The following DCC variants were observed in gnomAD, a reference collection of about 807,000 sequenced individuals.
DCC encodes the protein DCC netrin 1 receptor, also known as netrin receptor DCC.
In DCC, 58 loss-of-function variants were observed where a neutral mutation model predicts 172.5. The observed-to-expected ratio is 0.34, with a 90% CI of 0.27 to 0.42. The LOEUF (loss-of-function observed/expected upper bound fraction) is 0.42, where lower values mean the gene tolerates loss of function less well. Ranked by LOEUF, DCC falls within the 10% of genes least tolerant of loss-of-function variation. The pLI, the probability that DCC is intolerant of heterozygous loss-of-function variation, is 1.00. For synonymous variants in DCC, 709 were observed against 644.5 expected, an observed-to-expected ratio of 1.10 and a Z score of -1.52; for missense variants, 1,740 against 1,791.0, an observed-to-expected ratio of 0.97 and a Z score of 0.51.
At chr18:52,529,089 TC>T (rs1333171404) in intron 1 of DCC, among the ~76,000 whole-genome samples, 1 of 152,136 alleles carries the variant, frequency 6.6e-6, no homozygotes. Flanking sequence ...AGGCCAATAT[TC>T]CAGTACTCAT....
intron 12 of DCC, among the ~76,000 whole-genome samples, chr18:53,238,832 C>A (rs1416610963): frequency 6.6e-6 from 1 of 152,030 alleles, no homozygotes; most frequent in Non-Finnish European, 1.5e-5. Context: ...GAACCCAGAG[C>A]AATCAGACAG....
chr18:52,381,556 T>C (rs1985585043), intron 1 of DCC, among the ~76,000 whole-genome samples: 1 of 152,098 alleles, frequency 6.6e-6, no homozygotes. Context: ...TGTTATGTAC[T>C]CAATATAACT....
At chr18:52,818,454 GA>G (rs1466796732) in intron 2 of DCC, among the ~76,000 whole-genome samples, 10 of 149,414 alleles carry the variant, frequency 6.7e-5, no homozygotes, top group Non-Finnish European at 3.0e-5. Context: ...AAAAGAAGAT[GA>G]AAAGCATATA....
At chr18:53,356,979 ATCT>A (rs760337250) in intron 15 of DCC, among the ~76,000 whole-genome samples, 13 of 152,222 alleles carry the variant, frequency 8.5e-5, no homozygotes, top group East Asian at 1.9e-4. Context: ...CGCTGAAGTG[ATCT>A]TCTTCATATC....
chr18:52,415,242 A>C (rs1157417773), intron 1 of DCC, among the ~76,000 whole-genome samples: 2 of 152,228 alleles, frequency 1.3e-5, no homozygotes, highest in Non-Finnish European at 2.9e-5. Flanking sequence ...TAAAAAGCAT[A>C]AGGTAACCTT....
At chr18:52,713,407 G>A (rs1208075840) in intron 1 of DCC, among the ~76,000 whole-genome samples, 2 of 152,176 alleles carry the variant, frequency 1.3e-5, no homozygotes, top group East Asian at 3.9e-4. Context: ...GAGAGCAGAG[G>A]AGAGAGAACA....
At chr18:52,737,499 C>T (rs116245839) in intron 1 of DCC, among the ~76,000 whole-genome samples, 196 of 152,248 alleles carry the variant, frequency 1.3e-3, no homozygotes, top group African/African-American at 4.6e-3. Context: ...TTTTCTCATC[C>T]TGTGGGAGCT....
Position 53,499,507 on chromosome 18 carries a change from C to A in DCC, c.4108C>A (p.Pro1370Thr), listed in dbSNP as rs1365202718. 1 of 1,611,746 alleles carries A rather than the reference C, an allele frequency of 6.2e-7. No homozygotes were observed. The highest frequency in any genetic ancestry group is 2.2e-5 in the East Asian group (1 of 44,876). ...CCCTTACACACCACTTTTGTCTCAG[C>A]CAGGTAAAGTACTCGGTTGTTCACC... ...KVPYTPLLSQPGPTLPKTHVK... is the reference protein window; with the variant it reads ...KVPYTPLLSQTGPTLPKTHVK... Residue 1370 changes from proline (P) to threonine (T), a missense_variant, in exon 27 of 29, where the codon CCA (proline) becomes ACA (threonine). Physicochemically the swap from Pro to Thr is conservative, Grantham distance 38. Coordinates refer to ENST00000442544, the MANE Select transcript of DCC (RefSeq NM_005215.4).
At chr18:53,121,017 T>G in intron 7 of DCC, among the ~76,000 whole-genome samples, 1 of 151,994 alleles carries the variant, frequency 6.6e-6, no homozygotes, top group East Asian at 1.9e-4. Flanking sequence ...ATTTTATCAT[T>G]AAGGAAACAA....
intron 1 of DCC, among the ~76,000 whole-genome samples, chr18:52,659,068 T>G (rs1490699215): frequency 6.6e-6 from 1 of 152,166 alleles, no homozygotes; most frequent in Non-Finnish European, 1.5e-5. Flanking sequence ...CCATCCACTT[T>G]TGATAAATGT....
rs183277683 is a variant in DCC at position 53,284,064 on chromosome 18, T to G, written c.1912-21514T>G. ...TTATTTTTCAAGACCTTTCATAAATTTTATGCTGAGATTAACCATTCATTT... is the reference window on the plus strand; with the variant it reads ...TTATTTTTCAAGACCTTTCATAAATGTTATGCTGAGATTAACCATTCATTT... On this transcript the variant is annotated intron_variant, in intron 12 of 28. Coordinates refer to ENST00000442544, the MANE Select transcript of DCC (RefSeq NM_005215.4). Among the ~76,000 whole-genome samples the G allele has an allele frequency of 1.2e-4, 19 of 152,300 alleles. No individual in the cohort carries two copies. The East Asian group carries it at 3.7e-3, about 29-fold the overall frequency.
intron 1 of DCC, among the ~76,000 whole-genome samples, chr18:52,345,600 A>G (rs996235483): frequency 1.3e-5 from 2 of 151,916 alleles, no homozygotes; most frequent in African/African-American, 4.8e-5. Flanking sequence ...AGGAATCAAA[A>G]CTCTCATCTC....
At position 52,365,968 on chromosome 18, in the gene DCC, C is replaced by T. The variant is rs78553748; in HGVS notation, c.91+25090C>T. Among the ~76,000 whole-genome samples, 336 of 152,306 alleles carry T rather than the reference C, an allele frequency of 2.2e-3. 10 individuals are homozygous for T. The East Asian group carries it at 0.058, about 26-fold the overall frequency. On this transcript the variant is annotated intron_variant, in intron 1 of 28. Coordinates refer to ENST00000442544, the MANE Select transcript of DCC (RefSeq NM_005215.4). ...ACCAGGCTCTTACCGCTTGATCACA[C>T]ACCTGTGTTTAAACTTAAGGCATCA...
chr18:53,235,078 C>T (rs1303842830), intron 12 of DCC, among the ~76,000 whole-genome samples: 1 of 152,158 alleles, frequency 6.6e-6, no homozygotes, highest in Non-Finnish European at 1.5e-5. Context: ...ATTGGATACA[C>T]AGCATCAAAT....
chr18:53,495,257 T>C (rs1487365530), intron 26 of DCC, among the ~76,000 whole-genome samples: 1 of 151,960 alleles, frequency 6.6e-6, no homozygotes, highest in Non-Finnish European at 1.5e-5. Context: ...CTGAGCATGG[T>C]GGTGGGCACC....
chr18:52,569,677 C>A (rs1190435918), intron 1 of DCC, among the ~76,000 whole-genome samples: 1 of 152,040 alleles, frequency 6.6e-6, no homozygotes, highest in African/African-American at 2.4e-5. Flanking sequence ...TACTACAATT[C>A]TGGCATTATG....
intron 1 of DCC, among the ~76,000 whole-genome samples, chr18:52,346,491 T>C (rs1411114357): frequency 2.0e-5 from 3 of 152,246 alleles, no homozygotes; most frequent in African/African-American, 7.2e-5. Context: ...ATCCCTTTAA[T>C]TCAACTATTA....
In DCC at chr18:53,309,096, G is replaced by A. The variant is rs143446220; in HGVS notation, c.2053+3377G>A. 4.6e-3 allele frequency among the ~76,000 whole-genome samples: 705 copies of A among 152,064 alleles called. 8 individuals are homozygous for A. Among genetic ancestry groups the A allele is most frequent in the African/African-American group, 0.016 (656 of 41,462 alleles). ...TCTCTTACCCAGGCTGGAGTACCGT[G>A]GCATGATCATAGTTTACTGCAGACT... is the stretch of plus-strand genomic sequence containing the variant. On this transcript the variant is annotated intron_variant, in intron 13 of 28. Coordinates refer to ENST00000442544, the MANE Select transcript of DCC (RefSeq NM_005215.4).
chr18:52,344,080 G>C (rs1350845834), intron 1 of DCC, among the ~76,000 whole-genome samples: 1 of 152,236 alleles, frequency 6.6e-6, no homozygotes, highest in Non-Finnish European at 1.5e-5. Context: ...TTAAAAGCCA[G>C]GCTGGCTTGA....
Sources: allele counts gnomAD v4.1 joint callset (sites outside exome capture counted in the v4.1 genomes callset), GRCh38; gene constraint gnomAD v4.1.1; transcripts MANE v1.5; gene names NCBI Gene and HGNC (gene_info 2026-07-23, HGNC 2026-07-21).